Variants in HELZ observed in about 807,000 individuals in gnomAD.
The protein encoded by HELZ is ATP-dependent RNA helicase with zinc finger domain.
In HELZ, 23 loss-of-function variants were observed where a neutral mutation model predicts 218.2. That is an observed-to-expected ratio of 0.11 (90% CI 0.08 to 0.15). The LOEUF is 0.15. HELZ is among the 10% of genes least tolerant of loss of function. The probability of loss-of-function intolerance (pLI) is 1.00; values close to 1 mark genes in which losing one functional copy is unlikely to be tolerated. For missense variants in HELZ, 1,813 were observed against 2,353.7 expected (o/e 0.77, Z 4.75); for synonymous variants, 814 against 829.4 (o/e 0.98, Z 0.32).
At chr17:67,196,570 TTGGATGGA>T (rs200704348) in intron 7 of HELZ, among the ~76,000 whole-genome samples, 35 of 127,958 alleles carry the variant, frequency 2.7e-4, no homozygotes, top group South Asian at 9.1e-4. Context: ...GGTTGGTTAG[TTGGATGGA>T]TGGATGGATG....
intron 27 of HELZ, among the ~76,000 whole-genome samples, chr17:67,115,891 A>T (rs2037409396): frequency 6.6e-6 from 1 of 152,162 alleles, no homozygotes; most frequent in Admixed American, 6.5e-5. Context: ...AGAAATGGTA[A>T]CACATGGGTA....
At position 67,160,285 on chromosome 17, in the gene HELZ, C is replaced by T. The variant is rs779820508; in HGVS notation, c.2153G>A (p.Gly718Asp). 6.2e-7 allele frequency: 1 copy of T among 1,610,320 alleles called. No individual in the cohort carries two copies. Among genetic ancestry groups the T allele is most frequent in the Non-Finnish European group, 8.5e-7 (1 of 1,176,964 alleles). ...CCTGAGAGGTCTTGCCTGGGGATTG[C>T]CTGCTTCTACATATGGATGTAAATA... ...KDYLHPYVEA[G>D]NPQARPLRVY... The change falls in exon 17 of 33, where the codon GGC becomes GAC. Residue 718 changes from glycine to aspartate, a missense_variant. Gly to Asp is a moderately conservative substitution (Grantham distance 94). Around this residue, in one of 4 missense-constraint regions of HELZ, gnomAD observed 714 missense variants for 1,029.2 expected, o/e 0.69. Coordinates refer to ENST00000358691, the MANE Select transcript of HELZ (RefSeq NM_014877.4).
intron 3 of HELZ, among the ~76,000 whole-genome samples, chr17:67,238,730 G>A (rs547485809): frequency 6.6e-6 from 1 of 152,276 alleles, no homozygotes; most frequent in African/African-American, 2.4e-5. Flanking sequence ...CATAAGGAAA[G>A]TATTAAAAGC....
chr17:67,090,334 A>G (rs2036540883), intron 31 of HELZ, among the ~76,000 whole-genome samples: 1 of 152,162 alleles, frequency 6.6e-6, no homozygotes, highest in South Asian at 2.1e-4. Flanking sequence ...GGATGCTTAC[A>G]TTGATATTCA....
At chr17:67,135,809 T>C (rs1040283118) in intron 23 of HELZ, among the ~76,000 whole-genome samples, 161 bp downstream of exon 23, 1 of 152,204 alleles carries the variant, frequency 6.6e-6, no homozygotes, top group Non-Finnish European at 1.5e-5. Context: ...ATGCATACAA[T>C]AAATAGATCC....
rs756743445 is a variant in HELZ, at chr17:67,188,602, C to A, written c.879G>T (p.Leu293=). ...FALTCKPARM[L]YRVALLYDAH... ...CATCATAAAGCAATGCTACACGATA[C>A]AGCATTCTTGCAGGCTACAAGGAAG... The change falls in exon 12 of 33, where the codon CTG becomes CTT. Residue 293 remains leucine (L), a synonymous_variant. Transcript: ENST00000358691. This position sits in a 1 kb window ranked among gnomAD's most constrained non-coding sequence, Gnocchi z 4.1. 6.2e-7 allele frequency: 1 copy of A among 1,612,662 alleles called. No individual in the cohort carries two copies. The highest frequency in any genetic ancestry group is 2.2e-5 in the East Asian group (1 of 44,850).
intron 17 of HELZ, among the ~76,000 whole-genome samples, chr17:67,159,041 T>C (rs1011408602): frequency 1.3e-5 from 2 of 152,118 alleles, no homozygotes; most frequent in African/African-American, 2.4e-5. Flanking sequence ...CTACCAACAA[T>C]ATAAGTGAAC....
intron 26 of HELZ, among the ~76,000 whole-genome samples, chr17:67,122,703 T>C (rs2037651141): frequency 6.6e-6 from 1 of 151,464 alleles, no homozygotes; most frequent in Admixed American, 6.6e-5. Context: ...AGCAAAACTC[T>C]ATCTCAAAAA....
chr17:67,228,998 A>G (rs971557712), intron 3 of HELZ, among the ~76,000 whole-genome samples: 1 of 152,138 alleles, frequency 6.6e-6, no homozygotes, highest in African/African-American at 2.4e-5. Context: ...GATTACAGGC[A>G]TGAGCCACTG....
Position 67,178,824 on chromosome 17 carries a change from G to A in HELZ, c.1265C>T (p.Thr422Ile), listed in dbSNP as rs199924925. 52 of 1,613,766 alleles carry A rather than the reference G, an allele frequency of 3.2e-5. No homozygotes were observed. In the East Asian group the frequency reaches 1.1e-3, roughly 35 times the overall value. The change falls in exon 13 of 33, where the codon ACT becomes ATT. Residue 422 changes from threonine (T) to isoleucine (I), a missense_variant. By Grantham distance (89) the Thr-to-Ile change is moderately conservative. This residue lies in a region of HELZ where 714 missense variants were observed against 1,029.2 expected (regional missense o/e 0.69). Coordinates refer to ENST00000358691, the MANE Select transcript of HELZ (RefSeq NM_014877.4). ...TIIDFEPNET[T>I]DLEKSLLIRY... ...GATAAGAAGGCTCTTCTCCAAATCA[G>A]TAGTTTCATTAGGTTCAAAATCTAT...
At chr17:67,181,237 A>G (rs779753015) in intron 12 of HELZ, among the ~76,000 whole-genome samples, 9 of 152,218 alleles carry the variant, frequency 5.9e-5, no homozygotes, top group Admixed American at 1.3e-4. Context: ...ATGTTCATAT[A>G]CTTTAAAAAG....
At chr17:67,132,625 A>C (rs1567827630) in intron 23 of HELZ, among the ~76,000 whole-genome samples, 1 of 152,208 alleles carries the variant, frequency 6.6e-6, no homozygotes, top group Non-Finnish European at 1.5e-5. Context: ...GAATGAGGCA[A>C]TGTGTGCAAA....
chr17:67,070,976 T>A lies in HELZ; in HGVS notation c.*7276A>T, dbSNP rs900080537. On this transcript the variant is annotated 3_prime_UTR_variant, in exon 33 of 33. Transcript: ENST00000358691. ...CAAGTTTAGATAAGAACTATATGTATGAAGCATTAAAAAAAAATCCTGTGT... is the reference window on the plus strand; with the variant it reads ...CAAGTTTAGATAAGAACTATATGTAAGAAGCATTAAAAAAAAATCCTGTGT... 1.3e-5 allele frequency: 2 copies of A among 152,050 alleles called. No individual in the cohort carries two copies. The highest frequency in any genetic ancestry group is 4.8e-5 in the African/African-American group (2 of 41,424). 9.4% of individuals were successfully genotyped at this position (152,050 alleles called of 1,614,324 possible).
Position 67,145,865 on chromosome 17 carries a change from C to T in HELZ, c.2647G>A (p.Gly883Ser), listed in dbSNP as rs761275640. 3.7e-6 allele frequency: 6 copies of T among 1,613,108 alleles called. No homozygotes were observed. In the South Asian group the frequency reaches 6.6e-5, roughly 18 times the overall value. ...TGCTTCCCACTGGCCATCAGTTTGC[C>T]CTCATAGAAAAGCTCAGAGGTATAA... ...INYTSELFYE[G>S]KLMASGKQPA... Residue 883 changes from glycine (G) to serine (S), a missense_variant, in exon 21 of 33, where the codon GGC (glycine) becomes AGC (serine). Physicochemically the swap from Gly to Ser is moderately conservative, Grantham distance 56. Transcript: ENST00000358691.
intron 7 of HELZ, chr17:67,200,773 T>C (rs1362730773): frequency 4.6e-6 from 1 of 215,432 alleles, no homozygotes; most frequent in Non-Finnish European, 9.4e-6. Context: ...GGCTTGAGGA[T>C]ATCTCATTTT....
intron 3 of HELZ, among the ~76,000 whole-genome samples, chr17:67,233,639 C>T (rs1363592058): frequency 6.6e-6 from 1 of 152,128 alleles, no homozygotes; most frequent in Non-Finnish European, 1.5e-5. Flanking sequence ...CTCTGAAGTT[C>T]CTTCTAGGAT....
intron 3 of HELZ, among the ~76,000 whole-genome samples, chr17:67,226,025 G>A (rs2040880121): frequency 6.6e-6 from 1 of 152,078 alleles, no homozygotes; most frequent in Admixed American, 6.5e-5. Context: ...ACTTTGGGAG[G>A]CTGAGGCGAG....
intron 9 of HELZ, among the ~76,000 whole-genome samples, chr17:67,193,543 C>A (rs2039951925): frequency 6.6e-6 from 1 of 151,880 alleles, no homozygotes; most frequent in African/African-American, 2.4e-5. Flanking sequence ...TAGTGAAACC[C>A]TGTCTCTACT....
intron 5 of HELZ, among the ~76,000 whole-genome samples, chr17:67,206,998 T>A (rs1395441838): frequency 1.3e-5 from 2 of 149,282 alleles, no homozygotes; most frequent in Non-Finnish European, 3.0e-5. Flanking sequence ...CTGCAACCTC[T>A]GCCTCCCAGG....
Sources: gnomAD v4.1 joint callset for allele counts (sites outside exome capture counted in the v4.1 genomes callset) on GRCh38, gnomAD v4.1.1 for gene constraint, gnomAD v4.1.1 regional missense constraint, Gnocchi (gnomAD v3.1) non-coding constraint, MANE v1.5 for transcripts, NCBI Gene and HGNC (gene_info 2026-07-23, HGNC 2026-07-21) for gene names.